PLEKHH1: variants seen among roughly 807,000 people sequenced by gnomAD.
The protein encoded by PLEKHH1 is pleckstrin homology domain-containing family H member 1.
PLEKHH1 carries 104 observed loss-of-function variants against 160.0 expected under a neutral mutation model. That is an observed-to-expected ratio of 0.65 (90% CI 0.55 to 0.76). The LOEUF (loss-of-function observed/expected upper bound fraction) is 0.76, where lower values mean the gene tolerates loss of function less well. PLEKHH1 is among the 30% of genes least tolerant of loss of function. PLEKHH1 has a pLI of 0.00. For missense variants in PLEKHH1, 1,427 were observed against 1,724.1 expected (o/e 0.83, Z 3.05); for synonymous variants, 619 against 678.4 (o/e 0.91, Z 1.36).
rs200449034 is a variant in PLEKHH1 at position 67,578,179 on chromosome 14, C to G, written c.2731C>G (p.Gln911Glu). 4.2e-5 allele frequency: 67 copies of G among 1,613,910 alleles called. No individual in the cohort carries two copies. In the Middle Eastern group the frequency reaches 2.3e-3, roughly 56 times the overall value. Residue 911 changes from glutamine (Q) to glutamate (E), a missense_variant, in exon 19 of 29, where the codon CAG becomes GAG. Coordinates refer to ENST00000329153, the MANE Select transcript of PLEKHH1 (RefSeq NM_020715.3). The surrounding 1 kb of genome is among the most constrained non-coding windows in gnomAD (Gnocchi z 5.0). ...LMKQTSCRPP[Q>E]KYSLMQCWQL... ...GAAGCAGACCAGCTGCCGCCCACCT[C>G]AGAAGTACTCCCTCATGCAGGTAGG...
At position 67,588,479 on chromosome 14, in the gene PLEKHH1, T is replaced by A. The variant is rs557775061; in HGVS notation, c.*1244T>A. 6.6e-6 allele frequency: 1 copy of A among 152,192 alleles called. No homozygotes were observed. The highest frequency in any genetic ancestry group is 1.9e-4 in the East Asian group (1 of 5,174). The allele number at this position is 152,192 out of a possible 1,614,324, so 9.4% of individuals were successfully genotyped here. A position where few individuals can be genotyped will look rare whatever the true frequency, so the allele number is the denominator to read the frequency against. On this transcript the variant is annotated 3_prime_UTR_variant, in exon 29 of 29. Transcript: ENST00000329153. ...TGTGACATTTGCCCTAGCCTAAGAG[T>A]AGCAGGTAAAAAAAAGTTTCTTTCA...
At chr14:67,558,379 A>G (rs1005268070) in intron 4 of PLEKHH1, among the ~76,000 whole-genome samples, 1 of 152,186 alleles carries the variant, frequency 6.6e-6, no homozygotes, top group African/African-American at 2.4e-5. Context: ...CATTAACCCA[A>G]TAGGCCCTTA....
rs1035115169 is a variant in PLEKHH1 at position 67,582,578 on chromosome 14, C to T, written c.3426+368C>T. ...TCATGCCTGTAATGTCAGCACTTTG[C>T]GAGGCCGAGGCGGGCAGATCACCTG... On this transcript the variant is annotated intron_variant, in intron 24 of 28. Transcript: ENST00000329153. This position sits in a 1 kb window ranked among gnomAD's most constrained non-coding sequence, Gnocchi z 5.0. Among the ~76,000 whole-genome samples the T allele has an allele frequency of 5.9e-5, 9 of 152,090 alleles. No homozygotes were observed. The South Asian group carries it at 8.3e-4, about 14-fold the overall frequency.
chr14:67,578,306 C>T lies in PLEKHH1; in HGVS notation c.2751+107C>T, dbSNP rs916214042. Reference sequence around the variant, plus strand: ...GCAGGTATACGGTGAGCCCAGCCAGCGGGCAGCCTCTGTGCTCCAAGCTGC... The same window carrying T: ...GCAGGTATACGGTGAGCCCAGCCAGTGGGCAGCCTCTGTGCTCCAAGCTGC... On this transcript the variant is annotated intron_variant, in intron 19 of 28. Coordinates refer to ENST00000329153, the MANE Select transcript of PLEKHH1 (RefSeq NM_020715.3). The surrounding 1 kb of genome is among the most constrained non-coding windows in gnomAD (Gnocchi z 5.0). The T allele has an allele frequency of 1.6e-5, 16 of 982,870 alleles. No homozygotes were observed. The highest frequency in any genetic ancestry group is 2.5e-4 in the Middle Eastern group (1 of 4,006). The allele number at this position is 982,870 out of a possible 1,614,324, so 60.9% of individuals were successfully genotyped here.
At chr14:67,585,875 G>A in intron 27 of PLEKHH1, 76 bp from the exon 28 acceptor site, 1 of 1,464,098 alleles carries the variant, frequency 6.8e-7, no homozygotes, top group South Asian at 1.3e-5. Flanking sequence ...GTGCCTAGAA[G>A]AGACAGGGGA....
chr14:67,546,134 G>A (rs992894715), intron 2 of PLEKHH1, among the ~76,000 whole-genome samples: 3 of 152,036 alleles, frequency 2.0e-5, no homozygotes, highest in Non-Finnish European at 2.9e-5. Context: ...TGTAACCCAG[G>A]TATTTTTACT....
At chr14:67,554,796 C>T (rs2034529412) in intron 2 of PLEKHH1, among the ~76,000 whole-genome samples, 1 of 152,204 alleles carries the variant, frequency 6.6e-6, no homozygotes, top group African/African-American at 2.4e-5. Context: ...CCTGAAGAGC[C>T]TCCACGTACA....
At position 67,562,367 on chromosome 14, in the gene PLEKHH1, T is replaced by C; in HGVS notation, c.736T>C (p.Ser246Pro). ...LEDSSSSTVH[S>P]GETVEAKPLQ... Reference sequence around the variant, plus strand: ...GGATTCTAGTTCCAGCACGGTCCATTCTGGGGAAACAGTAGAGGCCAAGCC... The same window carrying C: ...GGATTCTAGTTCCAGCACGGTCCATCCTGGGGAAACAGTAGAGGCCAAGCC... Residue 246 changes from serine to proline, a missense_variant, in exon 7 of 29, where the codon TCT (serine) becomes CCT (proline). By Grantham distance (74) the Ser-to-Pro change is moderately conservative. Around this residue, in one of 6 missense-constraint regions of PLEKHH1, gnomAD observed 831 missense variants for 929.2 expected, o/e 0.89. Transcript: ENST00000329153. 6.2e-7 allele frequency: 1 copy of C among 1,613,638 alleles called. No individual in the cohort carries two copies. Among genetic ancestry groups the C allele is most frequent in the Non-Finnish European group, 8.5e-7 (1 of 1,179,636 alleles).
At chr14:67,563,256 G>A (rs1464530898) in intron 7 of PLEKHH1, among the ~76,000 whole-genome samples, 2 of 152,192 alleles carry the variant, frequency 1.3e-5, no homozygotes, top group Non-Finnish European at 2.9e-5. Context: ...TGTTAACTAC[G>A]TGACCTTGGA....
At chr14:67,546,343 T>G (rs181173614) in intron 2 of PLEKHH1, among the ~76,000 whole-genome samples, 2 of 152,150 alleles carry the variant, frequency 1.3e-5, no homozygotes, top group South Asian at 4.1e-4. Flanking sequence ...TTTTTGGGAT[T>G]TTTTTAAGAC....
chr14:67,585,651 T>C lies in PLEKHH1; in HGVS notation c.3783T>C (p.Thr1261=), dbSNP rs116175610. ...EDGVSILDHN[T]MQVHITYPYS... ...GCGTCAGCATCCTGGACCACAACAC[T>C]ATGGTATGAAAGGATGCAGGCTGCT... Residue 1261 remains threonine (T), a synonymous_variant, in exon 27 of 29, where the codon ACT becomes ACC. Coordinates refer to ENST00000329153, the MANE Select transcript of PLEKHH1 (RefSeq NM_020715.3). 9.5e-4 allele frequency: 1,474 copies of C among 1,559,068 alleles called. 11 individuals carry two copies. In the African/African-American group the frequency reaches 0.016, roughly 17 times the overall value.
At chr14:67,567,626 A>G (rs1490899389) in intron 7 of PLEKHH1, among the ~76,000 whole-genome samples, 1 of 151,884 alleles carries the variant, frequency 6.6e-6, no homozygotes, top group Non-Finnish European at 1.5e-5. Flanking sequence ...CCGCCCCTCC[A>G]GTGATCTCAG....
chr14:67,579,565 A>G, intron 21 of PLEKHH1, 156 bp from the exon 22 acceptor site: 1 of 721,280 alleles, frequency 1.4e-6, no homozygotes, highest in Non-Finnish European at 2.3e-6. Context: ...TCCCTCATGC[A>G]CTGGCCCTTT....
chr14:67,534,311 G>T (rs968167687), intron 1 of PLEKHH1, among the ~76,000 whole-genome samples: 16 of 152,158 alleles, frequency 1.1e-4, no homozygotes, highest in Middle Eastern at 3.2e-3. Flanking sequence ...AGTTGCAGTG[G>T]CTTATGCCTG....
Position 67,562,306 on chromosome 14 carries a change from C to T in PLEKHH1, c.675C>T (p.Ser225=), listed in dbSNP as rs1274347420. The change falls in exon 7 of 29, where the codon AGC becomes AGT. Residue 225 remains serine (S), a synonymous_variant. Transcript: ENST00000329153. ...CACCTTCCCCAGGTGCCCTGCAGAG[C>T]AAGGACTCTGTTTCTGAAGCAGCAA... ...VLAPSPGALQ[S]KDSVSEAASP... is the part of the protein sequence containing the mutation. The T allele has an allele frequency of 1.9e-6, 3 of 1,613,940 alleles. 1 individual carries two copies. The South Asian group carries it at 3.3e-5, about 18-fold the overall frequency.
chr14:67,544,492 GA>G (rs1490352009), intron 2 of PLEKHH1, among the ~76,000 whole-genome samples: 2 of 152,108 alleles, frequency 1.3e-5, no homozygotes, highest in African/African-American at 4.8e-5. Flanking sequence ...AATACTTGAG[GA>G]AATAATCTAC....
intron 20 of PLEKHH1, 40 bp from the exon 21 acceptor site, chr14:67,579,094 T>G: frequency 2.8e-6 from 4 of 1,445,530 alleles, no homozygotes; most frequent in Non-Finnish European, 3.8e-6. Context: ...GTGGCAGAGA[T>G]GAGCAGAGCC....
chr14:67,585,790 C>G, intron 27 of PLEKHH1, 136 bp downstream of exon 27: 1 of 999,726 alleles, frequency 1.0e-6, no homozygotes, highest in Non-Finnish European at 1.5e-6. Context: ...CACCAGTCCT[C>G]TAGTCTAGAC....
At chr14:67,540,880 C>T (rs149922183) in intron 1 of PLEKHH1, among the ~76,000 whole-genome samples, 7 of 152,300 alleles carry the variant, frequency 4.6e-5, no homozygotes, top group Non-Finnish European at 7.4e-5. Context: ...TTCCTTTTCT[C>T]ATCCTGCATC....
Sources: allele counts gnomAD v4.1 joint callset (sites outside exome capture counted in the v4.1 genomes callset), GRCh38; gene constraint gnomAD v4.1.1; regional missense constraint gnomAD v4.1.1; non-coding constraint Gnocchi (gnomAD v3.1); transcripts MANE v1.5; gene names NCBI Gene and HGNC (gene_info 2026-07-23, HGNC 2026-07-21).